EIF3M: variants seen among roughly 807,000 people sequenced by gnomAD.
EIF3M encodes the protein B5 receptor.
Under a neutral mutation model 49.7 loss-of-function variants are expected in EIF3M, and 25 were observed. The ratio of observed to expected loss-of-function variants is 0.50; its 90% CI spans 0.37 to 0.70. EIF3M has a LOEUF of 0.70. EIF3M is among the 30% of genes least tolerant of loss of function. EIF3M has a pLI of 0.00. For synonymous variants in EIF3M, 156 were observed against 149.8 expected (o/e 1.04, Z -0.30); for missense variants, 350 against 440.0 (o/e 0.80, Z 1.83).
rs945008151 is a variant in EIF3M, at chr11:32,603,449, A to G, written c.*1050A>G. On this transcript the variant is annotated 3_prime_UTR_variant, in exon 11 of 11. Transcript: ENST00000531120. ...TTACTGGAAATTTAGAAAATAGAGTAAAGTAGAAAGAAACTAAAAATCATT... is the reference window on the plus strand; with the variant it reads ...TTACTGGAAATTTAGAAAATAGAGTGAAGTAGAAAGAAACTAAAAATCATT... The G allele has an allele frequency of 2.0e-5, 3 of 153,614 alleles. No individual in the cohort carries two copies. The highest frequency in any genetic ancestry group is 4.8e-5 in the African/African-American group (2 of 41,508). The allele number at this position is 153,614 out of a possible 1,614,324, so 9.5% of individuals were successfully genotyped here. A position where few individuals can be genotyped will look rare whatever the true frequency, so the allele number is the denominator to read the frequency against.
Position 32,602,902 on chromosome 11 carries a change from T to C in EIF3M, c.*503T>C, listed in dbSNP as rs1855293536. 1 of 1,612,534 alleles carries C rather than the reference T, an allele frequency of 6.2e-7. No individual in the cohort carries two copies. The highest frequency in any genetic ancestry group is 8.5e-7 in the Non-Finnish European group (1 of 1,179,328). ...TTCTAAACTTAGTAAATTTTCACTT[T>C]TATTTAGTTGATTCGTAATGAGGCT... On this transcript the variant is annotated 3_prime_UTR_variant, in exon 11 of 11. Transcript: ENST00000531120.
At position 32,588,408 on chromosome 11, in the gene EIF3M, AAAAG is replaced by A. The variant is rs879004911; in HGVS notation, c.176-182_176-179del. 2.6e-4 allele frequency among the ~76,000 whole-genome samples: 37 copies of A among 142,770 alleles called. No homozygotes were observed. The East Asian group carries it at 7.1e-3, about 27-fold the overall frequency. The allele number at this position is 142,770 out of a possible 152,430, so 93.7% of individuals were successfully genotyped here. ...CATCTGAAAAAAAAAAAAAAAAAAAAAAAGAAACCACATCTTAGGTATCAATTTC... is the reference window on the plus strand; with the variant it reads ...CATCTGAAAAAAAAAAAAAAAAAAAAAAACCACATCTTAGGTATCAATTTC... On this transcript the variant is annotated intron_variant, in intron 2 of 10. Transcript: ENST00000531120.
intron 8 of EIF3M, among the ~76,000 whole-genome samples, chr11:32,598,943 G>A (rs1050604898): frequency 6.6e-6 from 1 of 151,878 alleles, no homozygotes; most frequent in South Asian, 2.1e-4. Context: ...TTTGCCTTAC[G>A]TTTCTTGAAC....
chr11:32,588,612 A>G lies in EIF3M; in HGVS notation c.194A>G (p.Asn65Ser). Reference sequence around the variant, plus strand: ...TGTGTAGATGTTGAAAGTGTGATGAACAGTGTGGTATCCCTACTCTTGATC... The same window carrying G: ...TGTGTAGATGTTGAAAGTGTGATGAGCAGTGTGGTATCCCTACTCTTGATC... ...EDDKDVESVM[N>S]SVVSLLLILE... Residue 65 changes from asparagine (N) to serine (S), a missense_variant, in exon 3 of 11, where the codon AAC (asparagine) becomes AGC (serine). Coordinates refer to ENST00000531120, the MANE Select transcript of EIF3M (RefSeq NM_006360.6). The G allele has an allele frequency of 6.2e-7, 1 of 1,612,552 alleles. No homozygotes were observed. Among genetic ancestry groups the G allele is most frequent in the Non-Finnish European group, 8.5e-7 (1 of 1,179,286 alleles).
intron 5 of EIF3M, among the ~76,000 whole-genome samples, chr11:32,590,374 A>G (rs1041976980): frequency 4.6e-5 from 7 of 152,182 alleles, no homozygotes; most frequent in East Asian, 1.9e-4. Flanking sequence ...CTGGCCCTTT[A>G]TAGAACGTTT....
intron 1 of EIF3M, among the ~76,000 whole-genome samples, chr11:32,585,794 TG>T (rs1240664977): frequency 6.6e-6 from 1 of 152,192 alleles, no homozygotes; most frequent in East Asian, 1.9e-4. Context: ...AATACTTTCC[TG>T]AGGCAACTAA....
chr11:32,603,066 G>T lies in EIF3M; in HGVS notation c.*667G>T. 6.8e-7 allele frequency: 1 copy of T among 1,464,724 alleles called. No individual in the cohort carries two copies. The highest frequency in any genetic ancestry group is 9.3e-7 in the Non-Finnish European group (1 of 1,071,356). The allele number at this position is 1,464,724 out of a possible 1,614,324, so 90.7% of individuals were successfully genotyped here. ...TTACCTTCGAAATTATTATACAAAA[G>T]ATTTTAAAGAGTCTGTAAAGCCTCT... On this transcript the variant is annotated 3_prime_UTR_variant, in exon 11 of 11. Transcript: ENST00000531120.
At chr11:32,592,823 G>A in intron 5 of EIF3M, 2 of 368,264 alleles carry the variant, frequency 5.4e-6, no homozygotes, top group Non-Finnish European at 1.0e-5. Context: ...GTCTGACCAT[G>A]TTGCCCACAC....
Position 32,590,200 on chromosome 11 carries a change from A to G in EIF3M, c.533+559A>G, listed in dbSNP as rs1028335613. 5.3e-5 allele frequency among the ~76,000 whole-genome samples: 8 copies of G among 152,346 alleles called. No individual in the cohort carries two copies. The South Asian group carries it at 1.0e-3, about 20-fold the overall frequency. On this transcript the variant is annotated intron_variant, in intron 5 of 10. Coordinates refer to ENST00000531120, the MANE Select transcript of EIF3M (RefSeq NM_006360.6). ...GAGAAAGAAAATCAAAGAAAGGGTA[A>G]TATTTCATGATATGTGGACATTATA...
At chr11:32,588,514 A>C (rs1855040205) in intron 2 of EIF3M, 80 bp from the exon 3 acceptor site, 2 of 1,525,186 alleles carry the variant, frequency 1.3e-6, no homozygotes, top group Non-Finnish European at 8.9e-7. Flanking sequence ...CATTGTATTA[A>C]AACACTGGAA....
chr11:32,602,995 G>A lies in EIF3M; in HGVS notation c.*596G>A, dbSNP rs776502529. 8.1e-6 allele frequency: 13 copies of A among 1,603,690 alleles called. No individual in the cohort carries two copies. The highest frequency in any genetic ancestry group is 1.3e-5 in the African/African-American group (1 of 74,148). On this transcript the variant is annotated 3_prime_UTR_variant, in exon 11 of 11. Transcript: ENST00000531120. ...TGCCTGCAAATGGCTTTGTAGTGGA[G>A]TTGATATCAGAGGCTTTGTTTTCAC...
rs1221485955 is a variant in EIF3M at position 32,605,246 on chromosome 11, C to T, written c.*2847C>T. 1 of 144,354 alleles carries T rather than the reference C, an allele frequency of 6.9e-6. No homozygotes were observed. The highest frequency in any genetic ancestry group is 1.5e-5 in the Non-Finnish European group (1 of 66,516). The allele number at this position is 144,354 out of a possible 1,614,324, so 8.9% of individuals were successfully genotyped here. A position where few individuals can be genotyped will look rare whatever the true frequency, so the allele number is the denominator to read the frequency against. ...TAAGGAGTGTTCCTTTTGGATTGCT[C>T]TGTTTGGCTCCCTCCCTGAAATCCT... On this transcript the variant is annotated 3_prime_UTR_variant, in exon 11 of 11. Transcript: ENST00000531120.
Position 32,606,095 on chromosome 11 carries a change from T to C in EIF3M, c.*3696T>C, listed in dbSNP as rs1474549424. ...GGATATAATCAAGATTGCAGTAGGC[T>C]AACAATCTAATGCTGAAAACAAGAA... On this transcript the variant is annotated 3_prime_UTR_variant, in exon 11 of 11. Coordinates refer to ENST00000531120, the MANE Select transcript of EIF3M (RefSeq NM_006360.6). The C allele has an allele frequency of 6.6e-6, 1 of 152,176 alleles. No homozygotes were observed. Among genetic ancestry groups the C allele is most frequent in the Non-Finnish European group, 1.5e-5 (1 of 68,030 alleles). The allele number at this position is 152,176 out of a possible 1,614,324, so 9.4% of individuals were successfully genotyped here.
chr11:32,587,203 A>G, intron 2 of EIF3M, 59 bp downstream of exon 2: 1 of 1,486,812 alleles, frequency 6.7e-7, no homozygotes, highest in Admixed American at 2.1e-5. Flanking sequence ...TTTTCTTGTG[A>G]ATTATAGAGT....
At chr11:32,590,445 CCT>C (rs1565047415) in intron 5 of EIF3M, among the ~76,000 whole-genome samples, 1 of 152,182 alleles carries the variant, frequency 6.6e-6, no homozygotes, top group Non-Finnish European at 1.5e-5. Context: ...CAGAAACACC[CCT>C]CTCATATTTC....
intron 4 of EIF3M, 124 bp from the exon 5 acceptor site, chr11:32,589,423 G>T: frequency 4.0e-6 from 4 of 988,654 alleles, no homozygotes; most frequent in Non-Finnish European, 6.0e-6. Flanking sequence ...TGATCCTCCT[G>T]CCTTGGCCTC....
Position 32,601,756 on chromosome 11 carries a change from T to G in EIF3M, c.944-6T>G. On this transcript the variant is annotated splice_polypyrimidine_tract_variant and splice_region_variant and intron_variant, in intron 9 of 10. Coordinates refer to ENST00000531120, the MANE Select transcript of EIF3M (RefSeq NM_006360.6). ...ATAACATACGATATAAAACATCTTT[T>G]TTCAGCCGTAAGAACTAAAATGGTC... 6.2e-7 allele frequency: 1 copy of G among 1,611,706 alleles called. No homozygotes were observed. The highest frequency in any genetic ancestry group is 1.3e-5 in the African/African-American group (1 of 74,842).
intron 2 of EIF3M, among the ~76,000 whole-genome samples, 172 bp from the exon 3 acceptor site, chr11:32,588,422 C>T (rs2133194303): frequency 6.8e-6 from 1 of 147,790 alleles, no homozygotes; most frequent in African/African-American, 2.5e-5. Flanking sequence ...GAAACCACAT[C>T]TTAGGTATCA....
At position 32,583,843 on chromosome 11, in the gene EIF3M, G is replaced by C. The variant is rs370631260; in HGVS notation, c.-45G>C. On this transcript the variant is annotated 5_prime_UTR_variant, in exon 1 of 11. Coordinates refer to ENST00000531120, the MANE Select transcript of EIF3M (RefSeq NM_006360.6). ...GCGGCCCAGTTCCCTTTTCCGGTCG[G>C]CGTGGTCTTGCGAGTGGAGTGTCCG... 6.2e-7 allele frequency: 1 copy of C among 1,602,950 alleles called. No homozygotes were observed. Among genetic ancestry groups the C allele is most frequent in the Non-Finnish European group, 8.5e-7 (1 of 1,172,404 alleles).
Sources: allele counts gnomAD v4.1 joint callset (sites outside exome capture counted in the v4.1 genomes callset), GRCh38; gene constraint gnomAD v4.1.1; transcripts MANE v1.5; gene names NCBI Gene and HGNC (gene_info 2026-07-23, HGNC 2026-07-21).